PPA1: variants seen among roughly 807,000 people sequenced by gnomAD.
The protein encoded by PPA1 is inorganic pyrophosphatase 1.
PPA1 carries 23 observed loss-of-function variants against 41.8 expected under a neutral mutation model. The ratio of observed to expected loss-of-function variants is 0.55; its 90% CI spans 0.40 to 0.78. PPA1 has a LOEUF of 0.78. Ranked by LOEUF, PPA1 falls within the 30% of genes least tolerant of loss-of-function variation. PPA1 has a pLI of 0.00. For synonymous variants in PPA1, 101 were observed against 116.8 expected, an observed-to-expected ratio of 0.86 and a Z score of 0.87; for missense variants, 320 against 361.6, an observed-to-expected ratio of 0.89 and a Z score of 0.93.
chr10:70,210,276 C>A, intron 6 of PPA1: 1 of 771,548 alleles, frequency 1.3e-6, no homozygotes. Context: ...GGGGTCTCGT[C>A]ATGTTGCCCA....
chr10:70,206,533 TAAC>T (rs1295074101), intron 8 of PPA1, among the ~76,000 whole-genome samples, 200 bp from the exon 9 acceptor site: 2 of 152,070 alleles, frequency 1.3e-5, no homozygotes, highest in Non-Finnish European at 2.9e-5. Context: ...TCAAATATCT[TAAC>T]AAGTTCGGAT....
intron 8 of PPA1, among the ~76,000 whole-genome samples, chr10:70,208,513 G>C (rs1390965705): frequency 1.3e-5 from 2 of 151,612 alleles, no homozygotes; most frequent in Non-Finnish European, 2.9e-5. Context: ...ATTTTTAGTA[G>C]AGATGAGGTC....
intron 2 of PPA1, 116 bp downstream of exon 2, chr10:70,230,225 A>C: frequency 8.2e-7 from 1 of 1,224,776 alleles, no homozygotes; most frequent in Non-Finnish European, 1.2e-6. Context: ...ACAGACCTTT[A>C]GCTCACAGCA....
intron 4 of PPA1, among the ~76,000 whole-genome samples, chr10:70,214,821 TA>T (rs67471072): frequency 0.056 from 8,499 of 152,270 alleles, 497 homozygotes; most frequent in Non-Finnish European, 0.071. Flanking sequence ...TGATCCTATT[TA>T]AAACAAGCAA....
At chr10:70,206,177 T>C in intron 9 of PPA1, 87 bp downstream of exon 9, 1 of 1,049,200 alleles carries the variant, frequency 9.5e-7, no homozygotes, top group South Asian at 1.3e-5. Context: ...CTCAAGTATT[T>C]GTCGAAACAA....
chr10:70,206,743 C>G (rs1589889855), intron 8 of PPA1, among the ~76,000 whole-genome samples: 1 of 151,298 alleles, frequency 6.6e-6, no homozygotes, highest in East Asian at 2.0e-4. Flanking sequence ...ACTCGGGAGG[C>G]TGAGGCAGGA....
chr10:70,218,121 T>C (rs1364700700), intron 3 of PPA1, among the ~76,000 whole-genome samples, 190 bp from the exon 4 acceptor site: 1 of 152,134 alleles, frequency 6.6e-6, no homozygotes, highest in East Asian at 1.9e-4. Flanking sequence ...TTATGTGAGG[T>C]ATAAAGGAAC....
chr10:70,216,541 C>T (rs1840084205), intron 4 of PPA1, among the ~76,000 whole-genome samples: 1 of 151,654 alleles, frequency 6.6e-6, no homozygotes, highest in African/African-American at 2.4e-5. Flanking sequence ...GTAATTAAGA[C>T]AAACAAATGA....
chr10:70,216,772 A>G (rs1228005156), intron 4 of PPA1, among the ~76,000 whole-genome samples: 1 of 152,248 alleles, frequency 6.6e-6, no homozygotes, highest in Non-Finnish European at 1.5e-5. Context: ...GATGTCATTT[A>G]CTCATTATAG....
intron 2 of PPA1, among the ~76,000 whole-genome samples, chr10:70,219,058 A>G (rs1012047202): frequency 2.0e-5 from 3 of 152,074 alleles, no homozygotes; most frequent in Non-Finnish European, 4.4e-5. Flanking sequence ...AGTTCTTCTT[A>G]ATTTTTATTT....
At position 70,213,485 on chromosome 10, in the gene PPA1, A is replaced by T; in HGVS notation, c.489T>A (p.Asp163Glu). ...TACCATTATAATTGGCTGCATCAGG[A>T]TCATCCACATTAATGGCAATGACTT... ...DWKVIAINVD[D>E]PDAANYNDIN... Residue 163 changes from aspartate to glutamate, a missense_variant, in exon 6 of 11, where the codon GAT (aspartate) becomes GAA (glutamate). Physicochemically the swap from Asp to Glu is conservative, Grantham distance 45. Transcript: ENST00000373232. 6.2e-7 allele frequency: 1 copy of T among 1,614,014 alleles called. No homozygotes were observed. The highest frequency in any genetic ancestry group is 8.5e-7 in the Non-Finnish European group (1 of 1,179,916).
intron 6 of PPA1, chr10:70,210,017 A>G: frequency 6.2e-6 from 2 of 324,196 alleles, no homozygotes; most frequent in Non-Finnish European, 1.2e-5. Flanking sequence ...TAATGAAACA[A>G]CCAGTTTGGC....
rs1342591166 is a variant in PPA1 at position 70,213,546 on chromosome 10, A to G, written c.428T>C (p.Ile143Thr). Reference sequence around the variant, plus strand: ...TTCCCCTTCGTCAATCATAGCCAATATGCCTAGAACTTTCACGCCAATTAT... The same window carrying G: ...TTCCCCTTCGTCAATCATAGCCAATGTGCCTAGAACTTTCACGCCAATTAT... ...GEIIGVKVLG[I>T]LAMIDEGETD... Residue 143 changes from isoleucine to threonine, a missense_variant, in exon 6 of 11, where the codon ATA becomes ACA. By Grantham distance (89) the Ile-to-Thr change is moderately conservative. Coordinates refer to ENST00000373232, the MANE Select transcript of PPA1 (RefSeq NM_021129.4). 9 of 1,614,028 alleles carry G rather than the reference A, an allele frequency of 5.6e-6. No homozygotes were observed. The highest frequency in any genetic ancestry group is 1.3e-5 in the African/African-American group (1 of 75,044).
chr10:70,206,182 A>G, intron 9 of PPA1, 82 bp downstream of exon 9: 1 of 1,117,670 alleles, frequency 8.9e-7, no homozygotes, highest in Non-Finnish European at 1.4e-6. Context: ...GTATTTGTCG[A>G]AACAAGTACT....
intron 8 of PPA1, among the ~76,000 whole-genome samples, chr10:70,206,878 AGG>A (rs1491310983): frequency 8.3e-3 from 45 of 5,450 alleles, no homozygotes; most frequent in East Asian, 0.031. Context: ...AGGGGAGGGG[AGG>A]GGAGGGGAGG....
intron 2 of PPA1, among the ~76,000 whole-genome samples, chr10:70,228,088 C>T (rs761485891): frequency 1.3e-5 from 2 of 152,166 alleles, no homozygotes; most frequent in Non-Finnish European, 2.9e-5. Context: ...CCAAGGTCCA[C>T]TGAGGTCTAG....
intron 2 of PPA1, among the ~76,000 whole-genome samples, chr10:70,223,421 T>C (rs1254964548): frequency 6.6e-6 from 1 of 152,096 alleles, no homozygotes; most frequent in Non-Finnish European, 1.5e-5. Flanking sequence ...AGTCACACTA[T>C]GTTGAGCAGG....
intron 2 of PPA1, among the ~76,000 whole-genome samples, chr10:70,223,217 AAGAG>A (rs10686040): frequency 1.3e-5 from 2 of 148,728 alleles, no homozygotes; most frequent in Non-Finnish European, 3.0e-5. Flanking sequence ...CATTTTTTTA[AAGAG>A]AGAGAGAGAG....
chr10:70,233,086 C>T (rs1840306667), intron 1 of PPA1, among the ~76,000 whole-genome samples, 178 bp downstream of exon 1: 1 of 152,152 alleles, frequency 6.6e-6, no homozygotes, highest in African/African-American at 2.4e-5. Flanking sequence ...CCCTCGCCGC[C>T]CCGACCGGCG....
Sources: allele counts gnomAD v4.1 joint callset (sites outside exome capture counted in the v4.1 genomes callset), GRCh38; gene constraint gnomAD v4.1.1; transcripts MANE v1.5; gene names NCBI Gene and HGNC (gene_info 2026-07-23, HGNC 2026-07-21).